SEL1L2: variants seen among roughly 807,000 people sequenced by gnomAD.
SEL1L2 encodes protein sel-1 homolog 2.
Under a neutral mutation model 98.8 loss-of-function variants are expected in SEL1L2, and 89 were observed. The ratio of observed to expected loss-of-function variants is 0.90; its 90% CI spans 0.76 to 1.07. The LOEUF (loss-of-function observed/expected upper bound fraction) is 1.07. Among genes scored for constraint, SEL1L2 ranks in the 50% least tolerant of loss-of-function variants. The probability of loss-of-function intolerance (pLI) is 0.00; values close to 1 mark genes in which losing one functional copy is unlikely to be tolerated. For synonymous variants in SEL1L2, 262 were observed against 278.5 expected (o/e 0.94, Z 0.59); for missense variants, 788 against 812.0 (o/e 0.97, Z 0.36).
rs1469132839 is a variant in SEL1L2, at chr20:13,859,122, A to C, written c.1818+140T>G. 5.5e-6 allele frequency: 4 copies of C among 721,434 alleles called. No homozygotes were observed. In the East Asian group the frequency reaches 1.1e-4, roughly 19 times the overall value. 44.7% of individuals were successfully genotyped at this position (721,434 alleles called of 1,614,324 possible). On this transcript the variant is annotated intron_variant, in intron 18 of 19. Transcript: ENST00000284951. ...TAGGGTAAGTAATATGTATTGGCAC[A>C]AGGGATGGATTTGGCAAATGTTAAG...
At chr20:13,933,415 C>T (rs557359995) in intron 2 of SEL1L2, among the ~76,000 whole-genome samples, 9 of 152,016 alleles carry the variant, frequency 5.9e-5, no homozygotes, top group Non-Finnish European at 1.3e-4. Context: ...ATCACCTTCC[C>T]TGTACTCCCA....
upstream of SEL1L2, among the ~76,000 whole-genome samples, chr20:13,992,190 G>T (rs2052557706): frequency 6.6e-6 from 1 of 152,132 alleles, no homozygotes; most frequent in South Asian, 2.1e-4. Context: ...CATGTCCCAG[G>T]TGTTGCAATG....
intron 5 of SEL1L2, among the ~76,000 whole-genome samples, chr20:13,890,065 A>G (rs977047508): frequency 1.3e-5 from 2 of 152,188 alleles, no homozygotes; most frequent in African/African-American, 4.8e-5. Context: ...CAAAGCCAAG[A>G]ATAGTCCGTG....
At chr20:13,964,447 ATTTTTT>A (rs369646828) in intron 1 of SEL1L2, among the ~76,000 whole-genome samples, 1 of 111,470 alleles carries the variant, frequency 9.0e-6, no homozygotes, top group Non-Finnish European at 1.7e-5. Context: ...CTATCTCTTC[ATTTTTT>A]TTTTTTTTTT....
At position 13,983,023 on chromosome 20, in the gene SEL1L2, C is replaced by CAAAA. The variant is rs57993052; in HGVS notation, c.58+7450_58+7453dup. On this transcript the variant is annotated intron_variant, in intron 1 of 19. Coordinates refer to ENST00000284951, the MANE Select transcript of SEL1L2 (RefSeq NM_025229.2). The stretch of plus-strand genomic sequence containing the variant: ...TGGGCAACAGAGCAAGACTCCATCT[C>CAAAA]AAAAAAAAAAAAAAAAAAAAAAAAA... Among the ~76,000 whole-genome samples, 132 of 15,556 alleles carry CAAAA rather than the reference C, an allele frequency of 8.5e-3. 30 individuals carry two copies. The highest frequency in any genetic ancestry group is 0.011 in the Non-Finnish European group (78 of 6,944). 10.2% of individuals were successfully genotyped at this position (15,556 alleles called of 152,430 possible).
intron 1 of SEL1L2, among the ~76,000 whole-genome samples, chr20:13,980,087 A>G (rs2051736244): frequency 6.6e-6 from 1 of 152,260 alleles, no homozygotes; most frequent in South Asian, 2.1e-4. Flanking sequence ...CAAATGGCCA[A>G]CAGATATATG....
intron 1 of SEL1L2, among the ~76,000 whole-genome samples, chr20:13,987,212 C>T (rs2148580516): frequency 6.6e-6 from 1 of 152,220 alleles, no homozygotes. Context: ...AAGGAACTGC[C>T]ACACTGTTTT....
At chr20:13,871,321 G>A (rs2147864933) in intron 12 of SEL1L2, among the ~76,000 whole-genome samples, 1 of 152,232 alleles carries the variant, frequency 6.6e-6, no homozygotes, top group African/African-American at 2.4e-5. Context: ...AATACTCTAA[G>A]GAAGGGAGTA....
At chr20:13,860,132 T>G (rs1182992163) in intron 17 of SEL1L2, among the ~76,000 whole-genome samples, 1 of 152,218 alleles carries the variant, frequency 6.6e-6, no homozygotes, top group Non-Finnish European at 1.5e-5. Flanking sequence ...CTCTCCTGCG[T>G]CAACAGTGTC....
intron 5 of SEL1L2, among the ~76,000 whole-genome samples, chr20:13,888,983 A>C (rs2047089658): frequency 7.1e-6 from 1 of 139,960 alleles, no homozygotes; most frequent in South Asian, 2.3e-4. Flanking sequence ...TTTGAGACGA[A>C]ATTTCAGTCT....
intron 1 of SEL1L2, among the ~76,000 whole-genome samples, chr20:13,962,451 G>C (rs1167800478): frequency 6.6e-6 from 1 of 152,150 alleles, no homozygotes; most frequent in East Asian, 1.9e-4. Flanking sequence ...TGGACAGAGA[G>C]GCCCAGCCAT....
chr20:13,985,111 C>T (rs150491749), intron 1 of SEL1L2, among the ~76,000 whole-genome samples: 301 of 152,054 alleles, frequency 2.0e-3, no homozygotes, highest in African/African-American at 6.7e-3. Flanking sequence ...CTCCCCCAAC[C>T]CTCACATCTA....
intron 1 of SEL1L2, among the ~76,000 whole-genome samples, chr20:13,987,660 T>C (rs766288247): frequency 3.3e-4 from 50 of 152,264 alleles, no homozygotes; most frequent in Non-Finnish European, 6.0e-4. Flanking sequence ...TAATTTCCTG[T>C]TTTTTGATTA....
intron 5 of SEL1L2, among the ~76,000 whole-genome samples, chr20:13,903,450 C>T (rs191947141): frequency 6.6e-6 from 1 of 152,150 alleles, no homozygotes; most frequent in East Asian, 1.9e-4. Flanking sequence ...TTTCTGTCAC[C>T]ATTCTTAGAA....
chr20:13,871,556 G>T (rs192945621), intron 12 of SEL1L2, among the ~76,000 whole-genome samples: 164 of 151,592 alleles, frequency 1.1e-3, no homozygotes, highest in African/African-American at 3.6e-3. Context: ...CTGTTGCCCA[G>T]GCTGGAGTGC....
chr20:13,878,273 G>A (rs2046527618), intron 10 of SEL1L2, among the ~76,000 whole-genome samples: 1 of 150,656 alleles, frequency 6.6e-6, no homozygotes, highest in African/African-American at 2.4e-5. Flanking sequence ...AGCAATAAAA[G>A]AAATCAGCCT....
chr20:13,869,409 A>T, intron 14 of SEL1L2, 94 bp downstream of exon 14: 1 of 951,464 alleles, frequency 1.1e-6, no homozygotes, highest in Non-Finnish European at 1.7e-6. Context: ...TGTCTAAACC[A>T]CTCACACCAA....
At chr20:13,942,901 T>C (rs2049843546) in intron 2 of SEL1L2, among the ~76,000 whole-genome samples, 1 of 152,214 alleles carries the variant, frequency 6.6e-6, no homozygotes, top group South Asian at 2.1e-4. Context: ...CTGTTTTTGT[T>C]AATGGACTTG....
chr20:13,892,165 T>C (rs1159025874), intron 5 of SEL1L2, among the ~76,000 whole-genome samples: 2 of 152,112 alleles, frequency 1.3e-5, no homozygotes, highest in African/African-American at 4.8e-5. Flanking sequence ...TATAAGATAT[T>C]TTAGCCATCC....
Sources: allele counts gnomAD v4.1 joint callset (sites outside exome capture counted in the v4.1 genomes callset), GRCh38; gene constraint gnomAD v4.1.1; transcripts MANE v1.5; gene names NCBI Gene and HGNC (gene_info 2026-07-23, HGNC 2026-07-21).